Variants in NBEAL1 observed in about 807,000 individuals in gnomAD.
The protein encoded by NBEAL1 is neurobeachin-like protein 1.
Under a neutral mutation model 351.3 loss-of-function variants are expected in NBEAL1, and 273 were observed. That is an observed-to-expected ratio of 0.78 (90% CI 0.70 to 0.86). The LOEUF (loss-of-function observed/expected upper bound fraction) is 0.86. Among genes scored for constraint, NBEAL1 ranks in the 40% least tolerant of loss-of-function variants. NBEAL1 has a pLI of 0.00. For synonymous variants in NBEAL1, 1,050 were observed against 1,086.4 expected, an observed-to-expected ratio of 0.97 and a Z score of 0.66; for missense variants, 2,961 against 3,201.3, an observed-to-expected ratio of 0.92 and a Z score of 1.81.
chr2:203,054,693 T>G (rs2061378681), intron 4 of NBEAL1, among the ~76,000 whole-genome samples: 1 of 152,190 alleles, frequency 6.6e-6, no homozygotes, highest in African/African-American at 2.4e-5. Flanking sequence ...TGAGTAAGTG[T>G]TGGTTATTGT....
intron 29 of NBEAL1, among the ~76,000 whole-genome samples, chr2:203,137,399 G>A (rs540965107): frequency 1.1e-4 from 17 of 152,196 alleles, no homozygotes; most frequent in Admixed American, 1.1e-3. Context: ...CCAAAAGATT[G>A]GACACCCCTG....
At chr2:203,041,437 G>T (rs1459019017) in intron 2 of NBEAL1, among the ~76,000 whole-genome samples, 1 of 152,288 alleles carries the variant, frequency 6.6e-6, no homozygotes, top group Non-Finnish European at 1.5e-5. Flanking sequence ...AAGTCCTTAG[G>T]GTGGGAGCAT....
chr2:203,064,249 C>T (rs1024692689), intron 6 of NBEAL1, among the ~76,000 whole-genome samples: 3 of 152,198 alleles, frequency 2.0e-5, no homozygotes, highest in Middle Eastern at 3.4e-3. Context: ...GACAGGGTTT[C>T]ACCATGTTGG....
At chr2:203,190,201 C>A in intron 45 of NBEAL1, 91 bp from the exon 46 acceptor site, 1 of 518,024 alleles carries the variant, frequency 1.9e-6, no homozygotes, top group African/African-American at 2.2e-5. Context: ...CACACACACA[C>A]ACACACACCA....
In NBEAL1 at chr2:203,057,401, T is replaced by TATATGATCCATATATC; in HGVS notation, c.463_464insATATGATCCATATATC (p.Phe155TyrfsTer8). On this transcript the variant is annotated frameshift_variant, in exon 6 of 56. Transcript: ENST00000683969. LOFTEE classifies it high-confidence loss of function. ...AGAATTTGTGATCCACGCATTGGCA[T>TATATGATCCATATATC]TTTGTGAAAGCTTATATGATCCATA... 1 of 1,552,962 alleles carries TATATGATCCATATATC rather than the reference T, an allele frequency of 6.4e-7. No homozygotes were observed. The highest frequency in any genetic ancestry group is 8.7e-7 in the Non-Finnish European group (1 of 1,146,710).
At chr2:203,171,499 G>A (rs2064317610) in intron 39 of NBEAL1, among the ~76,000 whole-genome samples, 1 of 151,956 alleles carries the variant, frequency 6.6e-6, no homozygotes, top group Admixed American at 6.6e-5. Flanking sequence ...TAGCTACTTG[G>A]GAGGCTAAGC....
At chr2:203,050,758 T>C (rs566844263) in intron 4 of NBEAL1, among the ~76,000 whole-genome samples, 293 of 152,338 alleles carry the variant, frequency 1.9e-3, no homozygotes, top group Non-Finnish European at 3.6e-3. Flanking sequence ...GGAAATTCTG[T>C]TTCAAAAGGG....
At position 203,188,711 on chromosome 2, in the gene NBEAL1, A is replaced by G. The variant is rs539163091; in HGVS notation, c.6823+122A>G. On this transcript the variant is annotated intron_variant, in intron 45 of 55. Transcript: ENST00000683969. ...GACTACATTTTAAAAACATCTTTTTACTTGAAAGATTAAGAGACTGCTGCT... is the reference window on the plus strand; with the variant it reads ...GACTACATTTTAAAAACATCTTTTTGCTTGAAAGATTAAGAGACTGCTGCT... The G allele has an allele frequency of 2.4e-5, 14 of 581,444 alleles. No individual in the cohort carries two copies. The African/African-American group carries it at 2.6e-4, about 11-fold the overall frequency. 36.0% of individuals were successfully genotyped at this position (581,444 alleles called of 1,614,324 possible). A position where few individuals can be genotyped will look rare whatever the true frequency, so the allele number is the denominator to read the frequency against.
intron 39 of NBEAL1, among the ~76,000 whole-genome samples, chr2:203,171,445 T>A (rs1476405757): frequency 6.6e-6 from 1 of 151,818 alleles, no homozygotes; most frequent in Non-Finnish European, 1.5e-5. Context: ...TCTCTACAAA[T>A]AGTTTAAAAA....
Position 203,122,336 on chromosome 2 carries a change from A to T in NBEAL1, c.2675A>T (p.Asp892Val), listed in dbSNP as rs1413421589. 9.2e-6 allele frequency: 14 copies of T among 1,516,658 alleles called. No homozygotes were observed. In the East Asian group the frequency reaches 3.5e-4, roughly 37 times the overall value. The allele number at this position is 1,516,658 out of a possible 1,614,324, so 94.0% of individuals were successfully genotyped here. ...RLTGNKVVNWDIKDIINCIGG... is the reference protein window; with the variant it reads ...RLTGNKVVNWVIKDIINCIGG... ...ACAGGAAACAAAGTAGTGAACTGGG[A>T]CATTAAGGTAAATTAATAGTAAATG... The change falls in exon 19 of 56, where the codon GAC (aspartate) becomes GTC (valine). Residue 892 changes from aspartate to valine, a missense_variant. Physicochemically the swap from Asp to Val is radical, Grantham distance 152 (BLOSUM62 -3). Transcript: ENST00000683969.
intron 36 of NBEAL1, among the ~76,000 whole-genome samples, chr2:203,164,922 C>T (rs567474885): frequency 6.8e-6 from 1 of 146,408 alleles, no homozygotes; most frequent in East Asian, 2.0e-4. Flanking sequence ...AGTACAGTGG[C>T]GTAATCTTGG....
intron 2 of NBEAL1, among the ~76,000 whole-genome samples, chr2:203,021,008 A>G (rs1055903739): frequency 3.3e-5 from 5 of 152,070 alleles, no homozygotes; most frequent in African/African-American, 4.8e-5. Flanking sequence ...ACAACCTCCA[A>G]CCTTCTGGGT....
intron 43 of NBEAL1, 27 bp downstream of exon 43, chr2:203,180,539 A>T: frequency 6.3e-7 from 1 of 1,584,104 alleles, no homozygotes. Flanking sequence ...TAAAAATTTG[A>T]CTAGCAGGTC....
chr2:203,183,993 G>A (rs893988589), intron 44 of NBEAL1, among the ~76,000 whole-genome samples: 6 of 147,094 alleles, frequency 4.1e-5, no homozygotes, highest in East Asian at 2.0e-4. Flanking sequence ...CAGGAGAATC[G>A]CTTGAACCCA....
At chr2:203,106,181 C>T (rs911814074) in intron 12 of NBEAL1, among the ~76,000 whole-genome samples, 36 of 152,150 alleles carry the variant, frequency 2.4e-4, no homozygotes, top group African/African-American at 8.2e-4. Context: ...AAGCATAGTG[C>T]CAGGCACATG....
intron 10 of NBEAL1, among the ~76,000 whole-genome samples, chr2:203,086,590 G>C (rs894632322): frequency 6.6e-6 from 1 of 152,078 alleles, no homozygotes; most frequent in East Asian, 1.9e-4. Context: ...GCTGGAGTGA[G>C]GTGGTATGAT....
At chr2:203,079,081 TTTG>T (rs551952516) in intron 8 of NBEAL1, among the ~76,000 whole-genome samples, 3 of 152,082 alleles carry the variant, frequency 2.0e-5, no homozygotes, top group Non-Finnish European at 4.4e-5. Flanking sequence ...TTTTGTTTTG[TTTG>T]TTGTTGTTGT....
In NBEAL1 at chr2:203,133,134, C is replaced by A; in HGVS notation, c.3801C>A (p.Ala1267=). 6.8e-7 allele frequency: 1 copy of A among 1,474,236 alleles called. No individual in the cohort carries two copies. Among genetic ancestry groups the A allele is most frequent in the South Asian group, 1.3e-5 (1 of 78,560 alleles). The allele number at this position is 1,474,236 out of a possible 1,614,324, so 91.3% of individuals were successfully genotyped here. ...SHRAHINVRV[A]ICRKVLQILQ... ...GAGCACATATAAATGTTAGAGTGGC[C>A]ATCTGCAGAAAGGTCAGTAAACTCT... Residue 1267 remains alanine, a synonymous_variant, in exon 27 of 56, where the codon GCC becomes GCA. Coordinates refer to ENST00000683969, the MANE Select transcript of NBEAL1 (RefSeq NM_001378026.1).
chr2:203,094,147 T>C (rs908715502), intron 10 of NBEAL1, among the ~76,000 whole-genome samples: 1 of 152,146 alleles, frequency 6.6e-6, no homozygotes, highest in Non-Finnish European at 1.5e-5. Flanking sequence ...TGACCCTAAG[T>C]CCATTGTAAT....
Sources: allele counts gnomAD v4.1 joint callset (sites outside exome capture counted in the v4.1 genomes callset), GRCh38; gene constraint gnomAD v4.1.1; transcripts MANE v1.5; gene names NCBI Gene and HGNC (gene_info 2026-07-23, HGNC 2026-07-21).